The following RHOJ variants were observed in gnomAD, a reference collection of about 807,000 sequenced individuals.
RHOJ encodes rho-related GTP-binding protein RhoJ.
Under a neutral mutation model 23.4 loss-of-function variants are expected in RHOJ, and 11 were observed. The observed-to-expected ratio is 0.47, with a 90% confidence interval of 0.30 to 0.78. The LOEUF (loss-of-function observed/expected upper bound fraction) is 0.78. Among genes scored for constraint, RHOJ ranks in the 30% least tolerant of loss-of-function variants. The pLI, the probability that RHOJ is intolerant of heterozygous loss-of-function variation, is 0.08. For synonymous variants in RHOJ, 102 were observed against 102.7 expected, an observed-to-expected ratio of 0.99 and a Z score of 0.04; for missense variants, 254 against 273.4, an observed-to-expected ratio of 0.93 and a Z score of 0.50.
At chr14:63,256,860 T>C (rs955982258) in intron 1 of RHOJ, among the ~76,000 whole-genome samples, 9 of 150,760 alleles carry the variant, frequency 6.0e-5, no homozygotes, top group Admixed American at 2.6e-4. Context: ...GGTCATGAGG[T>C]CAGAAGTTTG....
chr14:63,254,421 G>A (rs1201385334), intron 1 of RHOJ, among the ~76,000 whole-genome samples: 3 of 152,074 alleles, frequency 2.0e-5, no homozygotes, highest in East Asian at 3.9e-4. Context: ...GATCCCCTGA[G>A]AAATGTATGT....
chr14:63,228,531 G>A (rs1272211146), intron 1 of RHOJ, among the ~76,000 whole-genome samples: 4 of 151,964 alleles, frequency 2.6e-5, no homozygotes, highest in Middle Eastern at 3.4e-3. Flanking sequence ...ATGAGGAAGC[G>A]CTTAAAGAAT....
At chr14:63,289,757 T>G (rs1004656337) in intron 4 of RHOJ, among the ~76,000 whole-genome samples, 5 of 152,238 alleles carry the variant, frequency 3.3e-5, no homozygotes, top group African/African-American at 1.2e-4. Context: ...CACCATAGTA[T>G]GAAATCATCA....
chr14:63,275,628 T>A (rs1424232942), intron 2 of RHOJ, among the ~76,000 whole-genome samples: 1 of 152,148 alleles, frequency 6.6e-6, no homozygotes, highest in Non-Finnish European at 1.5e-5. Context: ...TTCCCTGCAC[T>A]CCCCAATCCT....
chr14:63,260,767 T>C (rs1196571399), intron 1 of RHOJ, among the ~76,000 whole-genome samples: 2 of 152,164 alleles, frequency 1.3e-5, no homozygotes, highest in South Asian at 2.1e-4. Context: ...GTGTAAATGG[T>C]TTCCAACTGT....
intron 1 of RHOJ, among the ~76,000 whole-genome samples, chr14:63,252,947 G>T (rs1219101284): frequency 1.3e-5 from 2 of 152,176 alleles, no homozygotes; most frequent in African/African-American, 4.8e-5. Context: ...ATGAAGATGA[G>T]ATCATTTCTA....
intron 4 of RHOJ, among the ~76,000 whole-genome samples, chr14:63,286,205 G>T (rs1394731186): frequency 1.3e-5 from 2 of 152,058 alleles, no homozygotes; most frequent in Non-Finnish European, 1.5e-5. Context: ...TTCTCCCTTG[G>T]TCATTGAAAG....
At chr14:63,246,393 C>T (rs1041526742) in intron 1 of RHOJ, among the ~76,000 whole-genome samples, 4 of 152,148 alleles carry the variant, frequency 2.6e-5, no homozygotes, top group Admixed American at 6.5e-5. Flanking sequence ...AGGTTTTCTT[C>T]GGAATCTCTA....
intron 4 of RHOJ, among the ~76,000 whole-genome samples, chr14:63,285,970 G>A (rs77425114): frequency 0.011 from 1,697 of 152,026 alleles, 38 homozygotes; most frequent in African/African-American, 0.039. Context: ...TGCCCTCTCC[G>A]GCCATCTTCT....
In RHOJ at chr14:63,223,842, C is replaced by G. The variant is rs75871163; in HGVS notation, c.178+18795C>G. On this transcript the variant is annotated intron_variant, in intron 1 of 4. Transcript: ENST00000316754. ...GTTTTAATTTTTTTCCATGAAAGCTCTTTAAAAGTTTTTATAGTCTCATTT... is the reference window on the plus strand; with the variant it reads ...GTTTTAATTTTTTTCCATGAAAGCTGTTTAAAAGTTTTTATAGTCTCATTT... Among the ~76,000 whole-genome samples the G allele has an allele frequency of 1.2e-4, 18 of 152,214 alleles. No individual in the cohort carries two copies. The East Asian group carries it at 3.5e-3, about 29-fold the overall frequency.
At chr14:63,276,210 T>G (rs1294054684) in intron 2 of RHOJ, among the ~76,000 whole-genome samples, 1 of 149,382 alleles carries the variant, frequency 6.7e-6, no homozygotes, top group East Asian at 2.0e-4. Flanking sequence ...TCAGCTTCGG[T>G]GGGGGGGGGC....
chr14:63,255,632 G>T (rs909634697), intron 1 of RHOJ, among the ~76,000 whole-genome samples: 1 of 150,752 alleles, frequency 6.6e-6, no homozygotes, highest in South Asian at 2.1e-4. Flanking sequence ...ATGGCAGCAG[G>T]AGGAGAAAAC....
chr14:63,286,918 T>A (rs944564135), intron 4 of RHOJ, among the ~76,000 whole-genome samples: 1 of 152,246 alleles, frequency 6.6e-6, no homozygotes, highest in Non-Finnish European at 1.5e-5. Flanking sequence ...ATGGCGGCTT[T>A]TCTCTTACAA....
chr14:63,214,182 C>T (rs995528216), intron 1 of RHOJ, among the ~76,000 whole-genome samples: 1 of 152,138 alleles, frequency 6.6e-6, no homozygotes, highest in African/African-American at 2.4e-5. Context: ...GTTAAAAATG[C>T]AGATTCTTGG....
chr14:63,284,816 C>A (rs977829259), intron 4 of RHOJ, among the ~76,000 whole-genome samples: 1 of 152,188 alleles, frequency 6.6e-6, no homozygotes, highest in Admixed American at 6.5e-5. Flanking sequence ...CCTAGCCTCA[C>A]TTCTCATTGG....
chr14:63,255,822 T>C (rs1895153829), intron 1 of RHOJ, among the ~76,000 whole-genome samples: 1 of 152,070 alleles, frequency 6.6e-6, no homozygotes, highest in South Asian at 2.1e-4. Flanking sequence ...TCTGTGTCAC[T>C]GGGGCATTCG....
At chr14:63,263,957 G>A (rs1455107466) in intron 1 of RHOJ, among the ~76,000 whole-genome samples, 1 of 150,748 alleles carries the variant, frequency 6.6e-6, no homozygotes, top group Non-Finnish European at 1.5e-5. Flanking sequence ...ACTCAGCTCA[G>A]ACACCCCCTC....
intron 1 of RHOJ, among the ~76,000 whole-genome samples, chr14:63,220,236 T>TC (rs1178359696): frequency 6.6e-6 from 1 of 152,132 alleles, no homozygotes; most frequent in African/African-American, 2.4e-5. Context: ...GTTTTTTTAA[T>TC]CCCCATTCTT....
intron 2 of RHOJ, among the ~76,000 whole-genome samples, chr14:63,277,966 AACACACACACACACACAC>A (rs34023824): frequency 5.0e-5 from 7 of 141,408 alleles, no homozygotes; most frequent in Non-Finnish European, 1.1e-4. Context: ...CAGCTACACA[AACACACACACACACACAC>A]ACACACACAC....
Sources: allele counts gnomAD v4.1 joint callset (sites outside exome capture counted in the v4.1 genomes callset), GRCh38; gene constraint gnomAD v4.1.1; transcripts MANE v1.5; gene names NCBI Gene and HGNC (gene_info 2026-07-23, HGNC 2026-07-21).